Variants in FBN3 observed in about 807,000 individuals in gnomAD.
FBN3 encodes the protein fibrillin-3.
In FBN3, 234 loss-of-function variants were observed where a neutral mutation model predicts 330.1. That is an observed-to-expected ratio of 0.71 (90% CI 0.64 to 0.79). The LOEUF is 0.79. Ranked by LOEUF, FBN3 falls within the 30% of genes least tolerant of loss-of-function variation. The probability of loss-of-function intolerance (pLI) is 0.00; values close to 1 mark genes in which losing one functional copy is unlikely to be tolerated. For missense variants in FBN3, 3,606 were observed against 3,886.9 expected (o/e 0.93, Z 1.92); for synonymous variants, 1,458 against 1,517.3 (o/e 0.96, Z 0.91).
intron 45 of FBN3, 124 bp from the exon 46 acceptor site, chr19:8,095,627 T>C: frequency 4.1e-6 from 4 of 973,740 alleles, no homozygotes; most frequent in South Asian, 3.4e-5. Flanking sequence ...CACTCATGTA[T>C]AGACTATGTA....
chr19:8,108,127 T>C, intron 37 of FBN3, 43 bp downstream of exon 37: 2 of 1,574,600 alleles, frequency 1.3e-6, no homozygotes, highest in Non-Finnish European at 1.7e-6. Context: ...GAAAAGTCAG[T>C]CTCTAGGCAG....
chr19:8,093,011 C>T (rs1031495068), intron 47 of FBN3, among the ~76,000 whole-genome samples: 1 of 151,708 alleles, frequency 6.6e-6, no homozygotes, highest in Admixed American at 6.6e-5. Context: ...CACTGAAGAA[C>T]TTATCCATGT....
intron 62 of FBN3, among the ~76,000 whole-genome samples, chr19:8,072,403 T>C (rs1188510270): frequency 2.0e-5 from 3 of 152,100 alleles, no homozygotes; most frequent in Admixed American, 2.0e-4. Flanking sequence ...CCTTGGTTCA[T>C]TTGGGCATAG....
At chr19:8,085,760 C>G (rs2081929351) in intron 55 of FBN3, among the ~76,000 whole-genome samples, 191 bp from the exon 56 acceptor site, 1 of 151,956 alleles carries the variant, frequency 6.6e-6, no homozygotes, top group Non-Finnish European at 1.5e-5. Flanking sequence ...AGTGGGAGAT[C>G]TGGGGAAGGT....
chr19:8,066,185 G>T lies in FBN3; in HGVS notation c.8164C>A (p.Arg2722Ser). Residue 2722 changes from arginine to serine, a missense_variant, in exon 64 of 64, where the codon CGC (arginine) becomes AGC (serine). Transcript: ENST00000600128. ...LNLSHLGRAE[R>S]ILELRPALEG... is the part of the protein sequence containing the mutation. ...AGGGCCGGCCGGAGCTCCAGGATGCGCTCGGCCCGGCCCAGGTGTGAGAGG... is the reference window on the plus strand; with the variant it reads ...AGGGCCGGCCGGAGCTCCAGGATGCTCTCGGCCCGGCCCAGGTGTGAGAGG... The T allele has an allele frequency of 6.2e-7, 1 of 1,611,748 alleles. No homozygotes were observed. Among genetic ancestry groups the T allele is most frequent in the Non-Finnish European group, 8.5e-7 (1 of 1,178,984 alleles).
At chr19:8,128,218 C>T (rs1352238190) in intron 18 of FBN3, among the ~76,000 whole-genome samples, 1 of 152,086 alleles carries the variant, frequency 6.6e-6, no homozygotes, top group African/African-American at 2.4e-5. Context: ...CTGTGTGCCC[C>T]TGAGTGTGTA....
At chr19:8,098,389 T>C (rs1449272816) in intron 41 of FBN3, among the ~76,000 whole-genome samples, 3 of 150,206 alleles carry the variant, frequency 2.0e-5, no homozygotes, top group African/African-American at 7.4e-5. Flanking sequence ...TGCCCATCAA[T>C]AGGGGACGGG....
At chr19:8,117,086 G>C in intron 28 of FBN3, 83 bp downstream of exon 28, 4 of 1,567,020 alleles carry the variant, frequency 2.6e-6, no homozygotes, top group Non-Finnish European at 3.5e-6. Flanking sequence ...TGCTGTGCTG[G>C]GCTCTGGGCC....
At position 8,111,622 on chromosome 19, in the gene FBN3, CTGCCCTCCCACCCCTCTAATCTCACCTT is replaced by C; in HGVS notation, c.4082_4084+25del. On this transcript the variant is annotated splice_donor_variant and splice_donor_5th_base_variant and coding_sequence_variant and intron_variant, in exon 32 of 64. Transcript: ENST00000600128. LOFTEE classifies it high-confidence loss of function. ...CCCCGTGGCTGTCCCTCTAGGGCCCCTGCCCTCCCACCCCTCTAATCTCACCTTCGCAGAAGAAGCCATCCCCGGCAAA... is the reference window on the plus strand; with the variant it reads ...CCCCGTGGCTGTCCCTCTAGGGCCCCCGCAGAAGAAGCCATCCCCGGCAAA... 4 of 1,491,994 alleles carry C rather than the reference CTGCCCTCCCACCCCTCTAATCTCACCTT, an allele frequency of 2.7e-6. No individual in the cohort carries two copies. The highest frequency in any genetic ancestry group is 1.4e-5 in the African/African-American group (1 of 72,636). 92.4% of individuals were successfully genotyped at this position (1,491,994 alleles called of 1,614,324 possible). A position where few individuals can be genotyped will look rare whatever the true frequency, so the allele number is the denominator to read the frequency against.
chr19:8,107,308 G>T (rs1226047726), intron 37 of FBN3, among the ~76,000 whole-genome samples: 1 of 140,930 alleles, frequency 7.1e-6, no homozygotes, highest in Admixed American at 7.2e-5. Flanking sequence ...ATGGAGGATA[G>T]ATGAAGGATG....
chr19:8,123,446 G>T lies in FBN3; in HGVS notation c.3082+18C>A. 1 of 1,612,134 alleles carries T rather than the reference G, an allele frequency of 6.2e-7. No individual in the cohort carries two copies. Among genetic ancestry groups the T allele is most frequent in the South Asian group, 1.1e-5 (1 of 90,830 alleles). Reference sequence around the variant, plus strand: ...GCCAAGGATCACGCTCTCTCCAAGAGGCAGAGGTGGCACCTACCTGTGCAG... The same window carrying T: ...GCCAAGGATCACGCTCTCTCCAAGATGCAGAGGTGGCACCTACCTGTGCAG... On this transcript the variant is annotated intron_variant, in intron 24 of 63. Coordinates refer to ENST00000600128, the MANE Select transcript of FBN3 (RefSeq NM_032447.5).
intron 57 of FBN3, 29 bp downstream of exon 57, chr19:8,083,218 A>AGGGTGC (rs2081847858): frequency 6.2e-7 from 1 of 1,613,252 alleles, no homozygotes; most frequent in African/African-American, 1.3e-5. Context: ...GGCTGGGCCA[A>AGGGTGC]GGGTGCAGGT....
intron 57 of FBN3, among the ~76,000 whole-genome samples, chr19:8,082,295 TTC>T (rs1314497849): frequency 2.1e-5 from 3 of 142,878 alleles, no homozygotes; most frequent in African/African-American, 5.2e-5. Context: ...TCCTCTCCCT[TTC>T]TCTCTTTCTC....
intron 38 of FBN3, among the ~76,000 whole-genome samples, chr19:8,104,182 A>G (rs1450062892): frequency 6.7e-6 from 1 of 149,808 alleles, no homozygotes; most frequent in Non-Finnish European, 1.5e-5. Context: ...AAAAAAAAAA[A>G]ACATTTACAA....
chr19:8,111,093 C>T lies in FBN3; in HGVS notation c.4175G>A (p.Gly1392Asp), dbSNP rs145427911. ...CCGGTGGTCCTCGGTGGGGTCAAAG[C>T]CCATCTCACATTCACAGCGGTACCC... Reference protein sequence around the residue: ...PGGYRCECEMGFDPTEDHRAC... With the variant: ...PGGYRCECEMDFDPTEDHRAC... Residue 1392 changes from glycine to aspartate, a missense_variant, in exon 33 of 64, where the codon GGC (glycine) becomes GAC (aspartate). Gly to Asp is a moderately conservative substitution (Grantham distance 94). Transcript: ENST00000600128. 7.4e-6 allele frequency: 12 copies of T among 1,613,568 alleles called. No homozygotes were observed. Among genetic ancestry groups the T allele is most frequent in the Non-Finnish European group, 1.0e-5 (12 of 1,179,724 alleles).
chr19:8,140,002 C>G (rs995237282), intron 8 of FBN3, among the ~76,000 whole-genome samples: 1 of 152,052 alleles, frequency 6.6e-6, no homozygotes, highest in East Asian at 1.9e-4. Context: ...TCAGCCTTAT[C>G]ATAGCCCCTC....
chr19:8,117,345 G>T lies in FBN3; in HGVS notation c.3464-54C>A, dbSNP rs985359953. The T allele has an allele frequency of 2.0e-6, 3 of 1,535,676 alleles. No individual in the cohort carries two copies. The Middle Eastern group carries it at 6.9e-4, about 352-fold the overall frequency. Reference sequence around the variant, plus strand: ...GGGCTGGGGGGAGGGGTCCAGGATGGGGAGGGGGCTGGTTTGGGGGTGGGA... The same window carrying T: ...GGGCTGGGGGGAGGGGTCCAGGATGTGGAGGGGGCTGGTTTGGGGGTGGGA... On this transcript the variant is annotated intron_variant, in intron 27 of 63. Transcript: ENST00000600128.
intron 3 of FBN3, among the ~76,000 whole-genome samples, chr19:8,146,584 G>C (rs1455844211): frequency 6.6e-6 from 1 of 152,042 alleles, no homozygotes. Flanking sequence ...GACAGAAACA[G>C]AAAGAGAGGG....
chr19:8,146,804 A>G (rs2083556866), intron 3 of FBN3, among the ~76,000 whole-genome samples: 1 of 152,080 alleles, frequency 6.6e-6, no homozygotes, highest in African/African-American at 2.4e-5. Context: ...ATCTCTAAAA[A>G]TAATAATAAT....
Sources: allele counts gnomAD v4.1 joint callset (sites outside exome capture counted in the v4.1 genomes callset), GRCh38; gene constraint gnomAD v4.1.1; transcripts MANE v1.5; gene names NCBI Gene and HGNC (gene_info 2026-07-23, HGNC 2026-07-21).